RERE: variants seen among roughly 807,000 people sequenced by gnomAD.
The protein encoded by RERE is arginine-glutamic acid dipeptide repeats protein.
Under a neutral mutation model 146.1 loss-of-function variants are expected in RERE, and 40 were observed. The observed-to-expected ratio is 0.27, with a 90% CI of 0.21 to 0.36. The LOEUF (loss-of-function observed/expected upper bound fraction) is 0.36, where lower values mean the gene tolerates loss of function less well. Among genes scored for constraint, RERE ranks in the 10% least tolerant of loss-of-function variants. RERE has a pLI of 1.00. For synonymous variants in RERE, 1,003 were observed against 866.0 expected (o/e 1.16, Z -2.78); for missense variants, 1,933 against 2,138.7 (o/e 0.90, Z 1.90).
At chr1:8,645,650 G>A (rs1187242629) in intron 2 of RERE, among the ~76,000 whole-genome samples, 2 of 152,204 alleles carry the variant, frequency 1.3e-5, no homozygotes, top group Non-Finnish European at 1.5e-5. Flanking sequence ...CCAATCTGTG[G>A]CCAATGCTTG....
At chr1:8,360,062 C>G in intron 18 of RERE, 50 bp downstream of exon 18, 1 of 1,585,488 alleles carries the variant, frequency 6.3e-7, no homozygotes. Flanking sequence ...AGAACTTGCC[C>G]CCACCAGCCC....
chr1:8,463,616 G>A (rs1644556567), intron 11 of RERE, among the ~76,000 whole-genome samples: 1 of 152,192 alleles, frequency 6.6e-6, no homozygotes, highest in Admixed American at 6.5e-5. Flanking sequence ...AAATTCCAGA[G>A]GGAATGAAAG....
chr1:8,519,565 TATAAAA>T (rs2124335337), intron 7 of RERE: 1 of 152,352 alleles, frequency 6.6e-6, no homozygotes, highest in Non-Finnish European at 1.5e-5. Context: ...GCAAGGTTGC[TATAAAA>T]ATAAAAGATG....
At chr1:8,560,137 T>TG (rs1289604536) in intron 4 of RERE, among the ~76,000 whole-genome samples, 52 of 152,334 alleles carry the variant, frequency 3.4e-4, no homozygotes, top group Admixed American at 2.7e-3. Context: ...TGGCAGTGCT[T>TG]GGGGATGCAT....
intron 12 of RERE, among the ~76,000 whole-genome samples, chr1:8,414,153 A>G (rs766270134): frequency 2.6e-5 from 4 of 151,702 alleles, no homozygotes; most frequent in Non-Finnish European, 4.4e-5. Context: ...GAAGGTAAGC[A>G]CCCTTATTCA....
At chr1:8,695,303 T>TA (rs1450367040) in intron 1 of RERE, among the ~76,000 whole-genome samples, 1 of 138,036 alleles carries the variant, frequency 7.2e-6, no homozygotes, top group Non-Finnish European at 1.7e-5. Flanking sequence ...CCACAAACTG[T>TA]AAAAATCCCA....
At chr1:8,365,701 C>T (rs1641778654) in intron 13 of RERE, 111 bp downstream of exon 13, 7 of 1,241,958 alleles carry the variant, frequency 5.6e-6, no homozygotes, top group Non-Finnish European at 6.9e-6. Context: ...AGCACGGGTG[C>T]ACACCCCCTC....
At position 8,361,006 on chromosome 1, in the gene RERE, C is replaced by T. The variant is rs771102650; in HGVS notation, c.2501G>A (p.Gly834Asp). 7.0e-7 allele frequency: 1 copy of T among 1,435,928 alleles called. No homozygotes were observed. The highest frequency in any genetic ancestry group is 9.1e-7 in the Non-Finnish European group (1 of 1,100,868). The allele number at this position is 1,435,928 out of a possible 1,614,324, so 88.9% of individuals were successfully genotyped here. A position where few individuals can be genotyped will look rare whatever the true frequency, so the allele number is the denominator to read the frequency against. Residue 834 changes from glycine to aspartate, a missense_variant, in exon 18 of 23, where the codon GGC becomes GAC. Transcript: ENST00000400908. The stretch of plus-strand genomic sequence containing the variant: ...GGCATGAGAGGGTGCAGAAGGCTGG[C>T]CCGCCGACCCAGTCAGAGGCTGCAG... ...PPLQPLTGSA[G>D]QPSAPSHAQP...
chr1:8,468,821 T>C (rs1350738470), intron 10 of RERE, among the ~76,000 whole-genome samples: 2 of 151,756 alleles, frequency 1.3e-5, no homozygotes, highest in African/African-American at 4.8e-5. Context: ...GGCTTGAGCC[T>C]GGGAGGTTAA....
chr1:8,411,377 A>T (rs868599584), intron 12 of RERE, among the ~76,000 whole-genome samples: 2 of 151,084 alleles, frequency 1.3e-5, no homozygotes, highest in Non-Finnish European at 2.9e-5. Context: ...TGAACTAAAG[A>T]TATCCTCCTG....
chr1:8,693,219 G>A (rs963387501), intron 1 of RERE, among the ~76,000 whole-genome samples: 8 of 152,042 alleles, frequency 5.3e-5, no homozygotes, highest in African/African-American at 1.9e-4. Flanking sequence ...TCTTACCATG[G>A]GACACAGAAA....
intron 4 of RERE, among the ~76,000 whole-genome samples, chr1:8,597,539 C>T (rs1476819447): frequency 6.6e-6 from 1 of 152,156 alleles, no homozygotes; most frequent in Admixed American, 6.5e-5. Flanking sequence ...TGAAAATCAA[C>T]ATTAAAATTC....
chr1:8,557,564 G>T, intron 4 of RERE, 41 bp from the exon 5 acceptor site: 1 of 1,389,038 alleles, frequency 7.2e-7, no homozygotes, highest in Non-Finnish European at 1.0e-6. Flanking sequence ...CAGGATTTCA[G>T]GTGGCCACAA....
At chr1:8,387,589 T>C (rs189988982) in intron 12 of RERE, among the ~76,000 whole-genome samples, 30 of 152,340 alleles carry the variant, frequency 2.0e-4, no homozygotes, top group African/African-American at 7.0e-4. Flanking sequence ...CTAGAACTCT[T>C]ACAAATCTAG....
At chr1:8,370,143 G>A (rs999912962) in intron 12 of RERE, among the ~76,000 whole-genome samples, 2 of 151,968 alleles carry the variant, frequency 1.3e-5, no homozygotes, top group Admixed American at 6.6e-5. Flanking sequence ...CCACAAGCAG[G>A]AGAATGGATA....
chr1:8,667,470 A>C (rs1638602975), intron 1 of RERE, among the ~76,000 whole-genome samples: 1 of 152,176 alleles, frequency 6.6e-6, no homozygotes, highest in Admixed American at 6.5e-5. Context: ...GAGGTCAAGA[A>C]TTTGAGACGA....
chr1:8,622,220 A>G (rs1482888263), intron 3 of RERE, among the ~76,000 whole-genome samples: 1 of 152,226 alleles, frequency 6.6e-6, no homozygotes, highest in African/African-American at 2.4e-5. Context: ...TCAGCATTTC[A>G]TAAGAGATGC....
chr1:8,638,782 AATTTTTTTTT>A (rs1389195313), intron 2 of RERE, among the ~76,000 whole-genome samples: 15 of 134,436 alleles, frequency 1.1e-4, no homozygotes, highest in African/African-American at 4.1e-4. Flanking sequence ...GACGAAAAAA[AATTTTTTTTT>A]TTTTTTTTTT....
intron 4 of RERE, among the ~76,000 whole-genome samples, chr1:8,586,982 T>C (rs571421677): frequency 4.6e-5 from 7 of 152,060 alleles, no homozygotes; most frequent in Non-Finnish European, 1.0e-4. Context: ...TTCGGAAATA[T>C]AAAAAGCAAA....
Sources: allele counts gnomAD v4.1 joint callset (sites outside exome capture counted in the v4.1 genomes callset), GRCh38; gene constraint gnomAD v4.1.1; transcripts MANE v1.5; gene names NCBI Gene and HGNC (gene_info 2026-07-23, HGNC 2026-07-21).